DNAH3: variants seen among roughly 807,000 people sequenced by gnomAD.
The protein encoded by DNAH3 is dynein axonemal heavy chain 3, also known as axonemal beta dynein heavy chain 3.
A neutral mutation model predicts 432.5 loss-of-function variants in DNAH3; 332 were observed. That is an observed-to-expected ratio of 0.77 (90% CI 0.70 to 0.84). The LOEUF (loss-of-function observed/expected upper bound fraction) is 0.84, where lower values mean the gene tolerates loss of function less well. Ranked by LOEUF, DNAH3 falls within the 40% of genes least tolerant of loss-of-function variation. The pLI, the probability that DNAH3 is intolerant of heterozygous loss-of-function variation, is 0.00. For synonymous variants in DNAH3, 1,956 were observed against 1,900.2 expected, an observed-to-expected ratio of 1.03 and a Z score of -0.76; for missense variants, 4,861 against 5,114.0, an observed-to-expected ratio of 0.95 and a Z score of 1.51.
chr16:21,019,576 G>A (rs746959264), intron 41 of DNAH3, 48 bp downstream of exon 41: 13 of 1,603,776 alleles, frequency 8.1e-6, no homozygotes, highest in South Asian at 7.8e-5. Context: ...TTTAGAACAC[G>A]TAATTCCAAC....
chr16:20,947,532 G>A (rs1229557040), intron 57 of DNAH3, among the ~76,000 whole-genome samples: 1 of 152,060 alleles, frequency 6.6e-6, no homozygotes, highest in Non-Finnish European at 1.5e-5. Flanking sequence ...AAGAATTGGG[G>A]ACTGAGCCCT....
chr16:21,094,439 G>A (rs1394698147), intron 18 of DNAH3, among the ~76,000 whole-genome samples: 1 of 152,090 alleles, frequency 6.6e-6, no homozygotes, highest in Non-Finnish European at 1.5e-5. Flanking sequence ...GGGAGGCCGA[G>A]GCAGGTGGAT....
At chr16:20,958,169 C>T (rs1255623769) in intron 54 of DNAH3, among the ~76,000 whole-genome samples, 1 of 151,046 alleles carries the variant, frequency 6.6e-6, no homozygotes, top group Non-Finnish European at 1.5e-5. Context: ...ACTTCTCAGG[C>T]TCAGGTGATT....
At chr16:21,148,720 CACAA>C (rs1474732968) in intron 1 of DNAH3, among the ~76,000 whole-genome samples, 1 of 152,100 alleles carries the variant, frequency 6.6e-6, no homozygotes, top group Non-Finnish European at 1.5e-5. Flanking sequence ...AAAACAAATA[CACAA>C]ACAGTCATAA....
chr16:21,030,982 C>T (rs2152723456), intron 37 of DNAH3, 63 bp downstream of exon 37: 1 of 1,555,308 alleles, frequency 6.4e-7, no homozygotes, highest in South Asian at 1.1e-5. Flanking sequence ...TGATCAATCA[C>T]TTACTTCAAT....
chr16:20,987,825 A>G, exon 46 of DNAH3: 1 of 1,614,190 alleles, frequency 6.2e-7, no homozygotes, highest in Non-Finnish European at 8.5e-7. Context: ...TTGTCTTAGT[A>G]GCTTGGACCA....
chr16:21,147,814 A>T (rs1444727870), intron 1 of DNAH3, among the ~76,000 whole-genome samples: 1 of 152,210 alleles, frequency 6.6e-6, no homozygotes, highest in Admixed American at 6.5e-5. Context: ...ATGAAATCAC[A>T]TGTGTTTTTG....
At chr16:21,071,679 A>G (rs7188025) in intron 21 of DNAH3, among the ~76,000 whole-genome samples, 36,734 of 151,832 alleles carry the variant, frequency 0.24, 4,697 homozygotes, top group East Asian at 0.46. Context: ...CTTGAGTCCC[A>G]GAATTCAAGA....
chr16:20,986,508 AAAAAT>A (rs1482628801), intron 47 of DNAH3, among the ~76,000 whole-genome samples: 2 of 151,808 alleles, frequency 1.3e-5, no homozygotes, highest in African/African-American at 4.9e-5. Flanking sequence ...TCCTACCTCT[AAAAAT>A]AAATATTTTT....
intron 21 of DNAH3, among the ~76,000 whole-genome samples, chr16:21,071,870 G>A (rs1343207062): frequency 1.3e-5 from 2 of 152,008 alleles, no homozygotes; most frequent in Admixed American, 6.6e-5. Context: ...TTGCTTTCCT[G>A]GCTCTCCTTT....
chr16:21,131,021 A>G (rs141629032), intron 7 of DNAH3, among the ~76,000 whole-genome samples: 2 of 152,284 alleles, frequency 1.3e-5, no homozygotes, highest in African/African-American at 4.8e-5. Flanking sequence ...AGGTATTGTT[A>G]TGATGATTCC....
chr16:20,969,948 C>T (rs138335336), exon 52 of DNAH3: 49 of 1,614,000 alleles, frequency 3.0e-5, no homozygotes, highest in Non-Finnish European at 3.6e-5. Flanking sequence ...AGTGCAGCCT[C>T]GAGTGCAGGC....
intron 44 of DNAH3, among the ~76,000 whole-genome samples, chr16:20,991,220 C>T (rs2086541679): frequency 6.6e-6 from 1 of 151,800 alleles, no homozygotes; most frequent in Admixed American, 6.6e-5. Flanking sequence ...TTGTAGACAC[C>T]AGGGTTTAAT....
rs772107085 is a variant in DNAH3 at position 21,051,765 on chromosome 16, C to G, written c.4143G>C (p.Gln1381His). 5.6e-6 allele frequency: 9 copies of G among 1,613,992 alleles called. No individual in the cohort carries two copies. In the East Asian group the frequency reaches 1.8e-4, roughly 32 times the overall value. ...AGGCTTCTGTGGTGATAATCTGCAC[C>G]TGCACATCCTTGGCCACCCAGTAGT... The change falls in exon 29 of 62, where the codon CAG (glutamine) becomes CAC (histidine). Residue 1381 changes from glutamine to histidine, a missense_variant. Gln to His is a conservative substitution (Grantham distance 24). Coordinates refer to ENST00000261383, the Ensembl canonical transcript of DNAH3.
At chr16:21,084,960 A>AC (rs898885993) in intron 19 of DNAH3, among the ~76,000 whole-genome samples, 8 of 150,376 alleles carry the variant, frequency 5.3e-5, no homozygotes, top group Non-Finnish European at 8.9e-5. Context: ...AAGCTCCCTA[A>AC]CCCCCCCATC....
chr16:21,031,713 A>G (rs1487650781), intron 36 of DNAH3, among the ~76,000 whole-genome samples: 1 of 152,152 alleles, frequency 6.6e-6, no homozygotes, highest in Non-Finnish European at 1.5e-5. Flanking sequence ...CTTTTCAAAT[A>G]GGGCAAATGT....
chr16:20,999,900 G>A (rs1041587960), intron 43 of DNAH3, among the ~76,000 whole-genome samples: 10 of 151,902 alleles, frequency 6.6e-5, no homozygotes, highest in Admixed American at 2.6e-4. Context: ...AAATGCCAGC[G>A]GGCAAACAGC....
At chr16:21,040,534 T>C (rs1946231922) in intron 32 of DNAH3, among the ~76,000 whole-genome samples, 1 of 151,624 alleles carries the variant, frequency 6.6e-6, no homozygotes, top group African/African-American at 2.4e-5. Context: ...CCCAGCTAAT[T>C]TTTATATTTC....
rs774577220 is a variant in DNAH3, at chr16:20,985,459, C to T, written c.7283G>A (p.Gly2428Asp). ...CCCTATGCCCACCAGGAGCAGGTGG[C>T]CTTTGTCCTGCTTCAGGACACGGCA... The change falls in exon 48 of 62, where the codon GGC becomes GAC. Residue 2428 changes from glycine (G) to aspartate (D), a missense_variant. Transcript: ENST00000261383. 3 of 1,614,170 alleles carry T rather than the reference C, an allele frequency of 1.9e-6. No homozygotes were observed. Among genetic ancestry groups the T allele is most frequent in the Non-Finnish European group, 2.5e-6 (3 of 1,180,024 alleles).
Sources: allele counts gnomAD v4.1 joint callset (sites outside exome capture counted in the v4.1 genomes callset), GRCh38; gene constraint gnomAD v4.1.1; transcripts MANE v1.5; gene names NCBI Gene and HGNC (gene_info 2026-07-23, HGNC 2026-07-21).